ZBTB25: variants seen among roughly 807,000 people sequenced by gnomAD.
ZBTB25 encodes the protein zinc finger and BTB domain-containing protein 25.
In ZBTB25, 20 loss-of-function variants were observed where a neutral mutation model predicts 34.2. That is an observed-to-expected ratio of 0.58 (90% CI 0.41 to 0.85). ZBTB25 has a LOEUF of 0.85. Among genes scored for constraint, ZBTB25 ranks in the 40% least tolerant of loss-of-function variants. The pLI is 0.00. For missense variants in ZBTB25, 437 were observed against 521.8 expected (o/e 0.84, Z 1.58); for synonymous variants, 175 against 186.4 (o/e 0.94, Z 0.50).
chr14:64,496,769 G>A (rs946698181), intron 1 of ZBTB25, among the ~76,000 whole-genome samples: 3 of 152,068 alleles, frequency 2.0e-5, no homozygotes, highest in Non-Finnish European at 2.9e-5. Flanking sequence ...TCTTGTTTTG[G>A]TTCAAGTATA....
intron 1 of ZBTB25, 126 bp downstream of exon 1, chr14:64,503,535 A>T (rs1325905750): frequency 3.0e-6 from 3 of 984,974 alleles, no homozygotes; most frequent in Non-Finnish European, 3.6e-6. Context: ...GACCAAAAAC[A>T]CCCCTCTCCC....
chr14:64,488,769 T>G (rs2078968796), intron 2 of ZBTB25, among the ~76,000 whole-genome samples: 1 of 152,182 alleles, frequency 6.6e-6, no homozygotes, highest in Non-Finnish European at 1.5e-5. Flanking sequence ...GGGGAGTTAT[T>G]GCTTAATGGG....
In ZBTB25 at chr14:64,482,933, G is replaced by T. The variant is rs2078810807; in HGVS notation, c.*3990C>A. 1 of 152,138 alleles carries T rather than the reference G, an allele frequency of 6.6e-6. No individual in the cohort carries two copies. The highest frequency in any genetic ancestry group is 1.5e-5 in the Non-Finnish European group (1 of 68,020). 9.4% of individuals were successfully genotyped at this position (152,138 alleles called of 1,614,324 possible). A position where few individuals can be genotyped will look rare whatever the true frequency, so the allele number is the denominator to read the frequency against. ...CACTTTACGGATGGGAAATCAGAAA[G>T]AGCAAGAAGTAACAATCTCAAGAGT... is the stretch of plus-strand genomic sequence containing the variant. On this transcript the variant is annotated 3_prime_UTR_variant, in exon 3 of 3. Coordinates refer to ENST00000608382, the MANE Select transcript of ZBTB25 (RefSeq NM_006977.5).
In ZBTB25 at chr14:64,498,376, G is replaced by A. The variant is rs904110678; in HGVS notation, c.-8+5285C>T. ...GCTGCAGGCTGGAGTGCAATGGCGC[G>A]ATCTCGGCTCAATGCAACCTCCGCC... On this transcript the variant is annotated intron_variant, in intron 1 of 2. Coordinates refer to ENST00000608382, the MANE Select transcript of ZBTB25 (RefSeq NM_006977.5). Among the ~76,000 whole-genome samples the A allele has an allele frequency of 1.5e-4, 22 of 151,600 alleles. No homozygotes were observed. In the East Asian group the frequency reaches 3.7e-3, roughly 25 times the overall value.
At position 64,486,411 on chromosome 14, in the gene ZBTB25, T is replaced by C; in HGVS notation, c.*512A>G. 1.0e-6 allele frequency: 1 copy of C among 983,314 alleles called. No individual in the cohort carries two copies. 60.9% of individuals were successfully genotyped at this position (983,314 alleles called of 1,614,324 possible). A position where few individuals can be genotyped will look rare whatever the true frequency, so the allele number is the denominator to read the frequency against. On this transcript the variant is annotated 3_prime_UTR_variant, in exon 3 of 3. Transcript: ENST00000608382. The stretch of plus-strand genomic sequence containing the variant: ...AAAACTACTCATGATTTGGTATATC[T>C]TAAAATAAATTTTTATACATTATAA...
upstream of ZBTB25, chr14:64,504,848 A>C: frequency 2.5e-6 from 1 of 396,040 alleles, no homozygotes; most frequent in Non-Finnish European, 4.5e-6. Context: ...CGCCGCCGCC[A>C]CTGCAGCTCG....
chr14:64,498,476 A>C (rs971942635), intron 1 of ZBTB25, among the ~76,000 whole-genome samples: 2 of 150,358 alleles, frequency 1.3e-5, no homozygotes, highest in Non-Finnish European at 3.0e-5. Context: ...ACGCCTGGCT[A>C]ATTTTTATAT....
At chr14:64,500,566 G>GGAGGGT (rs1251803538) in intron 1 of ZBTB25, among the ~76,000 whole-genome samples, 1 of 151,868 alleles carries the variant, frequency 6.6e-6, no homozygotes, top group Non-Finnish European at 1.5e-5. Flanking sequence ...AGGAGGCCGA[G>GGAGGGT]GAGGGTGGAT....
intron 1 of ZBTB25, among the ~76,000 whole-genome samples, chr14:64,499,917 G>A (rs1172144080): frequency 6.6e-6 from 1 of 152,210 alleles, no homozygotes; most frequent in Non-Finnish European, 1.5e-5. Flanking sequence ...ACTGGGAAAC[G>A]TTAGTTTGGG....
At chr14:64,503,470 C>A (rs2079566945) in intron 1 of ZBTB25, 191 bp downstream of exon 1, 1 of 985,338 alleles carries the variant, frequency 1.0e-6, no homozygotes, top group African/African-American at 1.7e-5. Flanking sequence ...ATTGTCGGCC[C>A]AGCGCTCACT....
At chr14:64,467,462 T>C (rs1350106016) in intron 2 of ZBTB25, 1 of 152,190 alleles carries the variant, frequency 6.6e-6, no homozygotes, top group Non-Finnish European at 1.5e-5. Context: ...TAAATGAAAA[T>C]GTCAAAATTG....
chr14:64,471,722 G>C (rs1006463457), intron 2 of ZBTB25: 1 of 167,036 alleles, frequency 6.0e-6, no homozygotes, highest in Non-Finnish European at 1.5e-5. Flanking sequence ...AAGTAATAAA[G>C]ATGAAGTATG....
intron 2 of ZBTB25, chr14:64,458,263 A>C (rs764372796): frequency 1.2e-6 from 2 of 1,613,156 alleles, no homozygotes; most frequent in Non-Finnish European, 1.7e-6. Context: ...TATGATATTG[A>C]TTTGGACCCT....
At chr14:64,496,974 C>T (rs1017237844) in intron 1 of ZBTB25, among the ~76,000 whole-genome samples, 4 of 152,058 alleles carry the variant, frequency 2.6e-5, no homozygotes, top group Middle Eastern at 3.2e-3. Flanking sequence ...AGGAAACATA[C>T]CTGAAGTCAA....
chr14:64,480,012 C>T lies in ZBTB25; in HGVS notation c.*6911G>A, dbSNP rs1170268972. 1 of 156,554 alleles carries T rather than the reference C, an allele frequency of 6.4e-6. No homozygotes were observed. The highest frequency in any genetic ancestry group is 1.4e-5 in the Non-Finnish European group (1 of 70,900). The allele number at this position is 156,554 out of a possible 1,614,324, so 9.7% of individuals were successfully genotyped here. A position where few individuals can be genotyped will look rare whatever the true frequency, so the allele number is the denominator to read the frequency against. On this transcript the variant is annotated 3_prime_UTR_variant, in exon 3 of 3. Transcript: ENST00000608382. ...ATGTTACTGGGGGCAAAAGGCGATA[C>T]AGTAGACTGTAAATAGAGAAGAAAG...
Position 64,479,610 on chromosome 14 carries a change from G to A in ZBTB25, c.*7313C>T, listed in dbSNP as rs1016584608. 23 of 152,174 alleles carry A rather than the reference G, an allele frequency of 1.5e-4. No homozygotes were observed. Among genetic ancestry groups the A allele is most frequent in the African/African-American group, 5.3e-4 (22 of 41,416 alleles). The allele number at this position is 152,174 out of a possible 1,614,324, so 9.4% of individuals were successfully genotyped here. On this transcript the variant is annotated 3_prime_UTR_variant, in exon 3 of 3. Coordinates refer to ENST00000608382, the MANE Select transcript of ZBTB25 (RefSeq NM_006977.5). Reference sequence around the variant, plus strand: ...GGTGGCTCTCATTCCATCAGTTGAAGGCCAGAATATAATAAAAAAAGAGAC... The same window carrying A: ...GGTGGCTCTCATTCCATCAGTTGAAAGCCAGAATATAATAAAAAAAGAGAC...
rs1051365331 is a variant in ZBTB25 at position 64,453,518 on chromosome 14, C to T, written c.174-3880G>A. The stretch of plus-strand genomic sequence containing the variant: ...CCTGGGAGGCAGGGGTTACAGTGAA[C>T]TGAGATCGCGCCATTGCACTCCAGC... On this transcript the variant is annotated intron_variant, in intron 2 of 2. Coordinates refer to the ZBTB25 transcript ENST00000555220. Among the ~76,000 whole-genome samples, 3 of 152,186 alleles carry T rather than the reference C, an allele frequency of 2.0e-5. No individual in the cohort carries two copies. The South Asian group carries it at 6.2e-4, about 32-fold the overall frequency.
At position 64,478,136 on chromosome 14, in the gene ZBTB25, T is replaced by C. The variant is rs1280685051; in HGVS notation, c.*8787A>G. The C allele has an allele frequency of 6.6e-6, 1 of 152,242 alleles. No homozygotes were observed. Among genetic ancestry groups the C allele is most frequent in the African/African-American group, 2.4e-5 (1 of 41,454 alleles). The allele number at this position is 152,242 out of a possible 1,614,324, so 9.4% of individuals were successfully genotyped here. A position where few individuals can be genotyped will look rare whatever the true frequency, so the allele number is the denominator to read the frequency against. On this transcript the variant is annotated 3_prime_UTR_variant, in exon 3 of 3. Transcript: ENST00000608382. ...ACGTTTCAAACAGCGGAAGAGAATG[T>C]ATCTGAGGGAGAGTGGGCTCATTTT...
chr14:64,470,223 A>G (rs986174038), intron 2 of ZBTB25: 1 of 167,176 alleles, frequency 6.0e-6, no homozygotes, highest in African/African-American at 2.4e-5. Flanking sequence ...CATTTTCCCA[A>G]TTTCAGCAGA....
Sources: gnomAD v4.1 joint callset for allele counts (sites outside exome capture counted in the v4.1 genomes callset) on GRCh38, gnomAD v4.1.1 for gene constraint, MANE v1.5 for transcripts, NCBI Gene and HGNC (gene_info 2026-07-23, HGNC 2026-07-21) for gene names.